Variants in ACAD8 observed in about 807,000 individuals in gnomAD.
ACAD8 encodes acyl-CoA dehydrogenase family member 8, also known as isobutyryl-CoA dehydrogenase, mitochondrial.
A neutral mutation model predicts 53.1 loss-of-function variants in ACAD8; 47 were observed. The observed-to-expected ratio is 0.89, with a 90% CI of 0.70 to 1.13. The LOEUF (loss-of-function observed/expected upper bound fraction) is 1.13. Ranked by LOEUF, ACAD8 falls within the 50% of genes most tolerant of loss-of-function variation. The pLI, the probability that ACAD8 is intolerant of heterozygous loss-of-function variation, is 0.00. For missense variants in ACAD8, 494 were observed against 535.0 expected, an observed-to-expected ratio of 0.92 and a Z score of 0.76; for synonymous variants, 198 against 201.3, an observed-to-expected ratio of 0.98 and a Z score of 0.14.
At chr11:134,264,443 G>A (rs1243441732) in intron 10 of ACAD8, among the ~76,000 whole-genome samples, 4 of 151,976 alleles carry the variant, frequency 2.6e-5, no homozygotes, top group South Asian at 2.1e-4. Context: ...GCTTGAACCT[G>A]GGGGGCGGAG....
In ACAD8 at chr11:134,259,739, G is replaced by A; in HGVS notation, c.699G>A (p.Glu233=). ...CTGGCCTCAGCTTTGGCAAGAAGGA[G>A]AAAAAGGTGAGTGGCTGTTGGACAG... ...GTPGLSFGKK[E]KKVGWNSQPT... The change falls in exon 6 of 11, where the codon GAG becomes GAA. Residue 233 remains glutamate (E), a synonymous_variant. Transcript: ENST00000281182. 2 of 1,614,206 alleles carry A rather than the reference G, an allele frequency of 1.2e-6. No homozygotes were observed. The highest frequency in any genetic ancestry group is 8.5e-7 in the Non-Finnish European group (1 of 1,180,044).
rs199764338 is a variant in ACAD8 at position 134,263,724 on chromosome 11, C to G, written c.1195+1102C>G. The G allele has an allele frequency of 4.6e-5, 45 of 985,382 alleles. 1 individual carries two copies. In the East Asian group the frequency reaches 3.8e-3, roughly 82 times the overall value. The allele number at this position is 985,382 out of a possible 1,614,324, so 61.0% of individuals were successfully genotyped here. On this transcript the variant is annotated intron_variant, in intron 10 of 10. Transcript: ENST00000281182. ...GAAACTTCGCCTTCATTCTAACTCT[C>G]TCTCCACCCTGCAATAATAAGCAGG...
Position 134,261,656 on chromosome 11 carries a change from G to T in ACAD8, c.940-82G>T, listed in dbSNP as rs1445371343. 6.2e-7 allele frequency: 1 copy of T among 1,602,078 alleles called. No individual in the cohort carries two copies. The highest frequency in any genetic ancestry group is 1.7e-5 in the Admixed American group (1 of 59,552). ...TGGATCACTTAGAAAAGGCGCCTCC[G>T]AGATGTCTTACCGAGGCTCCTGCAC... On this transcript the variant is annotated intron_variant, in intron 8 of 10. Coordinates refer to ENST00000281182, the MANE Select transcript of ACAD8 (RefSeq NM_014384.3). This position sits in a 1 kb window ranked among gnomAD's most constrained non-coding sequence, Gnocchi z 4.2.
intron 3 of ACAD8, among the ~76,000 whole-genome samples, chr11:134,257,572 C>T (rs1426456904): frequency 6.6e-6 from 1 of 151,900 alleles, no homozygotes; most frequent in South Asian, 2.1e-4. Flanking sequence ...ACTCGGGAGG[C>T]TGAGGCAGGA....
chr11:134,254,551 G>C (rs1939364243), intron 1 of ACAD8, among the ~76,000 whole-genome samples: 1 of 152,156 alleles, frequency 6.6e-6, no homozygotes, highest in Non-Finnish European at 1.5e-5. Flanking sequence ...AAGTCCCTTA[G>C]ATATCAGATC....
intron 6 of ACAD8, chr11:134,260,078 G>A: frequency 8.3e-7 from 1 of 1,204,386 alleles, no homozygotes; most frequent in East Asian, 5.4e-5. Flanking sequence ...GCTTAGAGAA[G>A]ACCTGGTGTT....
At chr11:134,262,104 A>G in intron 9 of ACAD8, 1 of 690,810 alleles carries the variant, frequency 1.4e-6, no homozygotes, top group Non-Finnish European at 2.6e-6. Flanking sequence ...ACACTTCATT[A>G]TGTCACTGTT....
Position 134,264,991 on chromosome 11 carries a change from T to C in ACAD8, c.*31T>C. 6.2e-7 allele frequency: 1 copy of C among 1,609,750 alleles called. No homozygotes were observed. Reference sequence around the variant, plus strand: ...ACACTTGTTCTGGCCTGGTGTTCAGTGCGACTGCAGTCAGTGTTGAGTGGT... The same window carrying C: ...ACACTTGTTCTGGCCTGGTGTTCAGCGCGACTGCAGTCAGTGTTGAGTGGT... On this transcript the variant is annotated 3_prime_UTR_variant, in exon 11 of 11. Coordinates refer to ENST00000281182, the MANE Select transcript of ACAD8 (RefSeq NM_014384.3).
intron 10 of ACAD8, chr11:134,263,364 GA>G (rs1940014219): frequency 7.1e-6 from 7 of 988,966 alleles, no homozygotes; most frequent in Non-Finnish European, 8.4e-6. Flanking sequence ...GCCTGTGCTG[GA>G]ATCGCCTGGA....
At chr11:134,257,440 A>T (rs558782729) in intron 3 of ACAD8, among the ~76,000 whole-genome samples, 183 bp downstream of exon 3, 51 of 152,282 alleles carry the variant, frequency 3.3e-4, no homozygotes, top group African/African-American at 1.2e-3. Context: ...TTGGGAGGCC[A>T]AGGCAGGCAG....
At chr11:134,257,742 C>T (rs1591508298) in intron 3 of ACAD8, 1 of 215,064 alleles carries the variant, frequency 4.6e-6, no homozygotes, top group East Asian at 1.1e-4. Flanking sequence ...TTCTGTCATC[C>T]TGTGTATTGC....
chr11:134,254,180 A>G (rs1245383869), intron 1 of ACAD8, among the ~76,000 whole-genome samples: 2 of 152,232 alleles, frequency 1.3e-5, no homozygotes, highest in African/African-American at 4.8e-5. Context: ...AGTAGGTCAT[A>G]AAAGCAGTGA....
intron 5 of ACAD8, 71 bp downstream of exon 5, chr11:134,259,155 T>G: frequency 1.4e-6 from 2 of 1,397,206 alleles, no homozygotes; most frequent in African/African-American, 2.8e-5. Context: ...CTCTGGTTCC[T>G]TCACATCCGC....
chr11:134,256,054 G>A (rs2136074323), intron 1 of ACAD8, among the ~76,000 whole-genome samples: 1 of 152,320 alleles, frequency 6.6e-6, no homozygotes, highest in East Asian at 1.9e-4. Flanking sequence ...TTACAGGCAT[G>A]CGCCACCACA....
chr11:134,262,364 C>A, intron 9 of ACAD8, 156 bp from the exon 10 acceptor site: 1 of 673,174 alleles, frequency 1.5e-6, no homozygotes, highest in Non-Finnish European at 2.7e-6. Flanking sequence ...TGTCTCTAAC[C>A]ATACAGAATG....
chr11:134,257,208 G>A lies in ACAD8; in HGVS notation c.331G>A (p.Ala111Thr). The change falls in exon 3 of 11, where the codon GCC becomes ACC. Residue 111 changes from alanine to threonine, a missense_variant. Ala to Thr is a moderately conservative substitution (Grantham distance 58). Transcript: ENST00000281182. ...TCTTGATACCTCTGTCATTTTTGAA[G>A]CCTTGGCTACAGGCTGCACCAGCAC... is the stretch of plus-strand genomic sequence containing the variant. The part of the protein sequence containing the change: ...SRLDTSVIFE[A>T]LATGCTSTTA... The A allele has an allele frequency of 6.2e-7, 1 of 1,614,182 alleles. No individual in the cohort carries two copies. The highest frequency in any genetic ancestry group is 8.5e-7 in the Non-Finnish European group (1 of 1,180,044).
At position 134,261,771 on chromosome 11, in the gene ACAD8, A is replaced by AGGCGT; in HGVS notation, c.976_977insGTGGC (p.Leu326ArgfsTer8). 6.2e-7 allele frequency: 1 copy of AGGCGT among 1,614,068 alleles called. No individual in the cohort carries two copies. Among genetic ancestry groups the AGGCGT allele is most frequent in the Non-Finnish European group, 8.5e-7 (1 of 1,180,026 alleles). On this transcript the variant is annotated frameshift_variant, in exon 9 of 11. Coordinates refer to ENST00000281182, the MANE Select transcript of ACAD8 (RefSeq NM_014384.3). LOFTEE classifies it high-confidence loss of function. The surrounding 1 kb of genome is among the most constrained non-coding windows in gnomAD (Gnocchi z 4.2). ...ATTCACACTGGCTGATATGGCAACA[A>AGGCGT]GGCTGGTGGCCGCGCGGCTGATGGT...
rs112142020 is a variant in ACAD8, at chr11:134,261,556, C to A, written c.940-182C>A. The A allele has an allele frequency of 8.7e-3, 13,340 of 1,524,678 alleles. 985 individuals carry two copies. In the African/African-American group the frequency reaches 0.16, roughly 18 times the overall value. The allele number at this position is 1,524,678 out of a possible 1,614,324, so 94.4% of individuals were successfully genotyped here. On this transcript the variant is annotated intron_variant, in intron 8 of 10. Coordinates refer to ENST00000281182, the MANE Select transcript of ACAD8 (RefSeq NM_014384.3). The surrounding 1 kb of genome is among the most constrained non-coding windows in gnomAD (Gnocchi z 4.2). ...GATATCTTTAACGATATTAAAGTGT[C>A]GGGTGAGTGAAGTGGACTTAGCACT...
chr11:134,261,320 G>C lies in ACAD8; in HGVS notation c.887G>C (p.Arg296Pro), dbSNP rs775062752. 1 of 1,613,920 alleles carries C rather than the reference G, an allele frequency of 6.2e-7. No homozygotes were observed. Among genetic ancestry groups the C allele is most frequent in the East Asian group, 2.2e-5 (1 of 44,872 alleles). The change falls in exon 8 of 11, where the codon CGA becomes CCA. Residue 296 changes from arginine (R) to proline (P), a missense_variant. Transcript: ENST00000281182. This position sits in a 1 kb window ranked among gnomAD's most constrained non-coding sequence, Gnocchi z 4.2. ...GAAHASVILT[R>P]DHLNVRKQFG... ...GCCCACGCCTCTGTCATCCTCACCC[G>C]AGACCACCTCAATGTCCGGAAGCAG...
Sources: gnomAD v4.1 joint callset for allele counts (sites outside exome capture counted in the v4.1 genomes callset) on GRCh38, gnomAD v4.1.1 for gene constraint, Gnocchi (gnomAD v3.1) non-coding constraint, MANE v1.5 for transcripts, NCBI Gene and HGNC (gene_info 2026-07-23, HGNC 2026-07-21) for gene names.